The following ARHGEF12 variants were observed in gnomAD, a reference collection of about 807,000 sequenced individuals.
ARHGEF12 encodes Rho guanine nucleotide exchange factor 12.
In ARHGEF12, 66 loss-of-function variants were observed where a neutral mutation model predicts 211.2. The ratio of observed to expected loss-of-function variants is 0.31; its 90% CI spans 0.26 to 0.38. ARHGEF12 has a LOEUF of 0.38. Among genes scored for constraint, ARHGEF12 ranks in the 10% least tolerant of loss-of-function variants. The probability of loss-of-function intolerance (pLI) is 1.00; values close to 1 mark genes in which losing one functional copy is unlikely to be tolerated. For synonymous variants in ARHGEF12, 592 were observed against 638.4 expected, an observed-to-expected ratio of 0.93 and a Z score of 1.09; for missense variants, 1,429 against 1,869.5, an observed-to-expected ratio of 0.76 and a Z score of 4.34.
Position 120,465,253 on chromosome 11 carries a change from A to G in ARHGEF12, c.2630A>G (p.Glu877Gly). ...DLLTWFSGPG[E>G]EKLKHAAATF... is the part of the protein sequence containing the mutation. ...TTGGCACAGTTCAGCGGACCAGGAG[A>G]GGAGAAATTGAAACATGCTGCTGCT... The change falls in exon 28 of 41, where the codon GAG becomes GGG. Residue 877 changes from glutamate (E) to glycine (G), a missense_variant. This residue lies in a region of ARHGEF12 where 223 missense variants were observed against 444.6 expected (regional missense o/e 0.50). Transcript: ENST00000397843. The G allele has an allele frequency of 6.2e-7, 1 of 1,614,094 alleles. No individual in the cohort carries two copies. Among genetic ancestry groups the G allele is most frequent in the Non-Finnish European group, 8.5e-7 (1 of 1,180,014 alleles).
chr11:120,428,397 A>G, intron 8 of ARHGEF12, 150 bp downstream of exon 8: 1 of 680,934 alleles, frequency 1.5e-6, no homozygotes, highest in Non-Finnish European at 2.2e-6. Context: ...CATAATAGGA[A>G]TGATTAGAAT....
intron 22 of ARHGEF12, 64 bp downstream of exon 22, chr11:120,451,788 A>T: frequency 6.9e-7 from 1 of 1,441,018 alleles, no homozygotes; most frequent in Non-Finnish European, 9.5e-7. Context: ...ACACTAACTG[A>T]AAAATAGAGT....
At position 120,429,730 on chromosome 11, in the gene ARHGEF12, A is replaced by G; in HGVS notation, c.682A>G (p.Asn228Asp). The G allele has an allele frequency of 6.2e-7, 1 of 1,613,264 alleles. No homozygotes were observed. The highest frequency in any genetic ancestry group is 8.5e-7 in the Non-Finnish European group (1 of 1,179,722). ...TTTTCAGTTATTGCAGGAAGATTACAACCGAACACCTGCCCAAAGATTGCT... is the reference window on the plus strand; with the variant it reads ...TTTTCAGTTATTGCAGGAAGATTACGACCGAACACCTGCCCAAAGATTGCT... ...ERLQLLQEDYNRTPAQRLLKE... is the reference protein window; with the variant it reads ...ERLQLLQEDYDRTPAQRLLKE... The change falls in exon 10 of 41, where the codon AAC becomes GAC. Residue 228 changes from asparagine to aspartate, a missense_variant. By Grantham distance (23) the Asn-to-Asp change is conservative. Around this residue, in one of 7 missense-constraint regions of ARHGEF12, gnomAD observed 254 missense variants for 286.4 expected, o/e 0.89. Transcript: ENST00000397843.
intron 1 of ARHGEF12, among the ~76,000 whole-genome samples, chr11:120,363,130 T>C (rs1213306824): frequency 6.6e-6 from 1 of 152,138 alleles, no homozygotes; most frequent in Non-Finnish European, 1.5e-5. Context: ...AGGAAAAGGC[T>C]TTGATCCTAC....
intron 1 of ARHGEF12, among the ~76,000 whole-genome samples, chr11:120,348,033 C>T (rs1208403569): frequency 1.3e-5 from 2 of 152,094 alleles, no homozygotes; most frequent in Non-Finnish European, 2.9e-5. Flanking sequence ...TACAGAGACA[C>T]TTATATTAAA....
rs1185592894 is a variant in ARHGEF12 at position 120,336,438 on chromosome 11, C to G, written c.-806C>G. Among the ~76,000 whole-genome samples the G allele has an allele frequency of 6.6e-6, 1 of 151,446 alleles. No homozygotes were observed. Among genetic ancestry groups the G allele is most frequent in the Admixed American group, 6.6e-5 (1 of 15,220 alleles). ...AGAACCCGGCGAGCCGGCCCTGCGCCGGGAGACGCCGCCGCCTCCGCCTCC... is the reference window on the plus strand; with the variant it reads ...AGAACCCGGCGAGCCGGCCCTGCGCGGGGAGACGCCGCCGCCTCCGCCTCC... On this transcript the variant is annotated 5_prime_UTR_variant, in exon 1 of 41. Coordinates refer to ENST00000397843, the MANE Select transcript of ARHGEF12 (RefSeq NM_015313.3).
intron 1 of ARHGEF12, among the ~76,000 whole-genome samples, chr11:120,344,289 A>AC (rs1244098099): frequency 4.0e-5 from 6 of 151,406 alleles, no homozygotes; most frequent in African/African-American, 1.5e-4. Flanking sequence ...AAAAAAAAAA[A>AC]AAAAACTGGA....
intron 1 of ARHGEF12, among the ~76,000 whole-genome samples, chr11:120,368,558 A>G (rs1219164771): frequency 2.0e-5 from 3 of 152,178 alleles, no homozygotes; most frequent in Non-Finnish European, 4.4e-5. Flanking sequence ...TAAAGCAGAT[A>G]CCTAACAATT....
intron 1 of ARHGEF12, among the ~76,000 whole-genome samples, chr11:120,365,395 G>T (rs1218840365): frequency 2.0e-5 from 3 of 152,190 alleles, no homozygotes; most frequent in African/African-American, 4.8e-5. Flanking sequence ...TAGGGCAGTG[G>T]TGATAGGATT....
intron 4 of ARHGEF12, among the ~76,000 whole-genome samples, chr11:120,419,028 G>A (rs963479905): frequency 6.7e-5 from 10 of 149,592 alleles, no homozygotes; most frequent in South Asian, 2.1e-4. Flanking sequence ...GGCTGGACCC[G>A]CCTCCCAGGT....
intron 1 of ARHGEF12, among the ~76,000 whole-genome samples, chr11:120,346,694 A>G (rs1942736961): frequency 6.6e-6 from 1 of 152,238 alleles, no homozygotes; most frequent in South Asian, 2.1e-4. Flanking sequence ...GGAGTCTATG[A>G]AAGTTTCTTT....
chr11:120,368,938 A>T (rs1404061741), intron 1 of ARHGEF12, among the ~76,000 whole-genome samples: 1 of 152,014 alleles, frequency 6.6e-6, no homozygotes, highest in Non-Finnish European at 1.5e-5. Context: ...GAAAGATTTC[A>T]TAAGTAAATG....
chr11:120,452,671 G>A (rs1406803483), intron 22 of ARHGEF12, among the ~76,000 whole-genome samples: 1 of 152,182 alleles, frequency 6.6e-6, no homozygotes, highest in Non-Finnish European at 1.5e-5. Context: ...AATATCCAGA[G>A]CATGAGAGCC....
chr11:120,425,196 T>C (rs1945303041), intron 7 of ARHGEF12, among the ~76,000 whole-genome samples: 1 of 152,178 alleles, frequency 6.6e-6, no homozygotes, highest in Non-Finnish European at 1.5e-5. Flanking sequence ...TCAGTGGCCC[T>C]GTGAGCTTTG....
At chr11:120,442,057 T>C (rs751499659) in intron 14 of ARHGEF12, 47 bp from the exon 15 acceptor site, 3 of 1,403,136 alleles carry the variant, frequency 2.1e-6, no homozygotes, top group Non-Finnish European at 3.0e-6. Context: ...AAATTACATT[T>C]TTCATGGTTC....
At chr11:120,465,969 C>T in intron 28 of ARHGEF12, among the ~76,000 whole-genome samples, 1 of 152,162 alleles carries the variant, frequency 6.6e-6, no homozygotes, top group East Asian at 1.9e-4. Flanking sequence ...TGGGTTTATC[C>T]AGGGAAAAAC....
In ARHGEF12 at chr11:120,489,259, A is replaced by G. The variant is rs1434203834; in HGVS notation, c.*4182A>G. 4.4e-6 allele frequency: 1 copy of G among 227,326 alleles called. No homozygotes were observed. The highest frequency in any genetic ancestry group is 1.3e-3 in the Middle Eastern group (1 of 762). The allele number at this position is 227,326 out of a possible 1,614,324, so 14.1% of individuals were successfully genotyped here. ...GGTTTGTTGTTTTTTTAATAGCTTT[A>G]TTGAGATATTCACATATCATATAAT... On this transcript the variant is annotated 3_prime_UTR_variant, in exon 41 of 41. Coordinates refer to ENST00000397843, the MANE Select transcript of ARHGEF12 (RefSeq NM_015313.3).
chr11:120,368,833 A>G (rs986106274), intron 1 of ARHGEF12, among the ~76,000 whole-genome samples: 1 of 152,120 alleles, frequency 6.6e-6, no homozygotes, highest in African/African-American at 2.4e-5. Context: ...TTTGTCACCC[A>G]GTTACTAAGC....
intron 15 of ARHGEF12, among the ~76,000 whole-genome samples, chr11:120,442,910 C>G (rs558405636): frequency 5.9e-5 from 9 of 152,032 alleles, no homozygotes; most frequent in Middle Eastern, 3.4e-3. Flanking sequence ...CTTATTGTTT[C>G]TCTGAGAAAT....
Sources: gnomAD v4.1 joint callset for allele counts (sites outside exome capture counted in the v4.1 genomes callset) on GRCh38, gnomAD v4.1.1 for gene constraint, gnomAD v4.1.1 regional missense constraint, MANE v1.5 for transcripts, NCBI Gene and HGNC (gene_info 2026-07-23, HGNC 2026-07-21) for gene names.